Variants in SLC35F1 observed in about 807,000 individuals in gnomAD.
SLC35F1 encodes the protein solute carrier family 35 member F1, also known as chromosome 6 open reading frame 169.
A neutral mutation model predicts 48.7 loss-of-function variants in SLC35F1; 14 were observed. The observed-to-expected ratio is 0.29, with a 90% CI of 0.19 to 0.45. The LOEUF is 0.45. SLC35F1 is among the 20% of genes least tolerant of loss of function. The pLI, the probability that SLC35F1 is intolerant of heterozygous loss-of-function variation, is 1.00. For missense variants in SLC35F1, 404 were observed against 500.0 expected, an observed-to-expected ratio of 0.81 and a Z score of 1.83; for synonymous variants, 190 against 202.2, an observed-to-expected ratio of 0.94 and a Z score of 0.51.
intron 1 of SLC35F1, among the ~76,000 whole-genome samples, chr6:118,092,267 C>G (rs1390132720): frequency 6.6e-6 from 1 of 152,132 alleles, no homozygotes; most frequent in Non-Finnish European, 1.5e-5. Flanking sequence ...CATCACAGGC[C>G]TGGAGGCCTA....
rs79894934 is a variant in SLC35F1 at position 118,284,454 on chromosome 6, T to C, written c.848-730T>C. Among the ~76,000 whole-genome samples the C allele has an allele frequency of 2.0e-5, 3 of 152,206 alleles. No individual in the cohort carries two copies. The East Asian group carries it at 5.8e-4, about 29-fold the overall frequency. The stretch of plus-strand genomic sequence containing the variant: ...AAAACAGAGTACCCATGTCTAGGCA[T>C]AATTACAGAGAAAGAGAGAGATTTG... On this transcript the variant is annotated intron_variant, in intron 6 of 7. Transcript: ENST00000360388.
intron 2 of SLC35F1, among the ~76,000 whole-genome samples, chr6:118,190,444 A>G (rs147628977): frequency 3.6e-4 from 55 of 152,106 alleles, no homozygotes; most frequent in African/African-American, 1.3e-3. Context: ...TTTTGCTTAA[A>G]AAAAAAAAAT....
chr6:117,953,261 A>G (rs1240584132), intron 1 of SLC35F1, among the ~76,000 whole-genome samples: 2 of 152,220 alleles, frequency 1.3e-5, no homozygotes, highest in Non-Finnish European at 2.9e-5. Context: ...CCATTCTAAA[A>G]TTCAAAGGCA....
At chr6:118,238,451 A>AATC in intron 3 of SLC35F1, among the ~76,000 whole-genome samples, 1 of 150,680 alleles carries the variant, frequency 6.6e-6, no homozygotes, top group East Asian at 1.9e-4. Flanking sequence ...TAATAATAAT[A>AATC]ATAATAATGG....
intron 1 of SLC35F1, among the ~76,000 whole-genome samples, chr6:118,007,793 T>C (rs1409038034): frequency 2.0e-5 from 3 of 152,130 alleles, no homozygotes; most frequent in East Asian, 3.9e-4. Flanking sequence ...CATCTGGAGC[T>C]CAGGGTCTTC....
At chr6:118,155,368 A>G (rs2114470339) in intron 2 of SLC35F1, among the ~76,000 whole-genome samples, 1 of 152,284 alleles carries the variant, frequency 6.6e-6, no homozygotes, top group Admixed American at 6.5e-5. Flanking sequence ...ATTAAGTAAG[A>G]TGTTACTAGG....
At chr6:117,996,300 T>C (rs1776988432) in intron 1 of SLC35F1, among the ~76,000 whole-genome samples, 1 of 152,240 alleles carries the variant, frequency 6.6e-6, no homozygotes, top group South Asian at 2.1e-4. Context: ...ACAATTGTGC[T>C]AAATAAGAAT....
intron 1 of SLC35F1, among the ~76,000 whole-genome samples, chr6:118,146,829 C>T (rs909775053): frequency 4.6e-5 from 7 of 152,032 alleles, no homozygotes; most frequent in Non-Finnish European, 7.4e-5. Context: ...ATAAACATTG[C>T]GGGTAACTTG....
intron 6 of SLC35F1, among the ~76,000 whole-genome samples, chr6:118,281,550 G>T (rs1275399913): frequency 2.0e-5 from 3 of 152,154 alleles, no homozygotes; most frequent in African/African-American, 7.2e-5. Context: ...AGAAACCATT[G>T]TTTCTCTCTG....
At chr6:118,195,688 A>C (rs1231580566) in intron 2 of SLC35F1, among the ~76,000 whole-genome samples, 1 of 152,194 alleles carries the variant, frequency 6.6e-6, no homozygotes, top group East Asian at 1.9e-4. Context: ...TAATTACTGG[A>C]TCAAATCTGA....
At chr6:117,978,019 A>G (rs1776726726) in intron 1 of SLC35F1, among the ~76,000 whole-genome samples, 1 of 152,158 alleles carries the variant, frequency 6.6e-6, no homozygotes, top group South Asian at 2.1e-4. Flanking sequence ...ATTGTGCTTC[A>G]TATTGTACCA....
chr6:117,915,363 T>C (rs1775813703), intron 1 of SLC35F1, among the ~76,000 whole-genome samples: 1 of 152,196 alleles, frequency 6.6e-6, no homozygotes, highest in South Asian at 2.1e-4. Flanking sequence ...AAAACAAATT[T>C]ATGTGGTGAT....
chr6:118,232,195 TAA>T (rs1775300226), intron 2 of SLC35F1, among the ~76,000 whole-genome samples: 1 of 152,150 alleles, frequency 6.6e-6, no homozygotes. Context: ...ATTAATAATC[TAA>T]TGTGTAATAG....
At chr6:118,223,121 C>G (rs561333598) in intron 2 of SLC35F1, among the ~76,000 whole-genome samples, 3 of 152,198 alleles carry the variant, frequency 2.0e-5, no homozygotes, top group Non-Finnish European at 4.4e-5. Flanking sequence ...TTCTACTGAA[C>G]TTGATTTCAG....
chr6:118,057,012 G>A (rs1007191246), intron 1 of SLC35F1, among the ~76,000 whole-genome samples: 1 of 152,124 alleles, frequency 6.6e-6, no homozygotes, highest in African/African-American at 2.4e-5. Context: ...AGAAATTAAA[G>A]GTGAAAAGTG....
chr6:118,114,565 A>G (rs527755966), intron 1 of SLC35F1, among the ~76,000 whole-genome samples: 1 of 151,948 alleles, frequency 6.6e-6, no homozygotes, highest in Non-Finnish European at 1.5e-5. Flanking sequence ...TTTAGTAAAG[A>G]TGGGCTTTCC....
chr6:117,910,854 A>G (rs1775752886), intron 1 of SLC35F1, among the ~76,000 whole-genome samples: 1 of 152,244 alleles, frequency 6.6e-6, no homozygotes, highest in African/African-American at 2.4e-5. Flanking sequence ...AAGAACTGCA[A>G]ACACATACGC....
chr6:118,207,595 G>A (rs548544698), intron 2 of SLC35F1, among the ~76,000 whole-genome samples: 6 of 152,326 alleles, frequency 3.9e-5, no homozygotes, highest in Admixed American at 6.5e-5. Flanking sequence ...GATGTGCAGG[G>A]ATGGGGAGAG....
chr6:118,295,565 A>G (rs1776173940), intron 7 of SLC35F1, among the ~76,000 whole-genome samples: 1 of 152,192 alleles, frequency 6.6e-6, no homozygotes, highest in Non-Finnish European at 1.5e-5. Flanking sequence ...GTCAGTGAGC[A>G]ATCTCAGTAA....
Sources: gnomAD v4.1 joint callset for allele counts (sites outside exome capture counted in the v4.1 genomes callset) on GRCh38, gnomAD v4.1.1 for gene constraint, MANE v1.5 for transcripts, NCBI Gene and HGNC (gene_info 2026-07-23, HGNC 2026-07-21) for gene names.